The following ZNF536 variants were observed in gnomAD, a reference collection of about 807,000 sequenced individuals.
The protein encoded by ZNF536 is zinc finger protein 536.
A neutral mutation model predicts 84.5 loss-of-function variants in ZNF536; 13 were observed. The observed-to-expected ratio is 0.15, with a 90% CI of 0.10 to 0.24. The LOEUF (loss-of-function observed/expected upper bound fraction) is 0.24, where lower values mean the gene tolerates loss of function less well. ZNF536 is among the 10% of genes least tolerant of loss of function. The pLI is 1.00. For synonymous variants in ZNF536, 811 were observed against 742.5 expected (o/e 1.09, Z -1.50); for missense variants, 1,536 against 1,747.5 (o/e 0.88, Z 2.16).
chr19:30,701,476 G>C (rs1006617676), intron 1 of ZNF536, among the ~76,000 whole-genome samples: 6 of 118,416 alleles, frequency 5.1e-5, no homozygotes, highest in African/African-American at 9.8e-5. Flanking sequence ...AACACACACA[G>C]ACACACACAA....
intron 2 of ZNF536, among the ~76,000 whole-genome samples, chr19:30,342,877 C>T (rs1162063598): frequency 6.6e-6 from 1 of 152,208 alleles, no homozygotes; most frequent in African/African-American, 2.4e-5. Flanking sequence ...TTTTCTTACA[C>T]TGGTTTGTTC....
chr19:30,239,589 T>TAAAGGGGGAG (rs1017684326), intron 1 of ZNF536, among the ~76,000 whole-genome samples: 20 of 152,318 alleles, frequency 1.3e-4, no homozygotes, highest in African/African-American at 4.8e-4. Flanking sequence ...CCTTGGACCC[T>TAAAGGGGGAG]AAAGGGGGAG....
intron 1 of ZNF536, among the ~76,000 whole-genome samples, chr19:30,249,504 C>T (rs2024484728): frequency 6.6e-6 from 1 of 151,830 alleles, no homozygotes; most frequent in Non-Finnish European, 1.5e-5. Context: ...TTTGATTTTC[C>T]AAACAAAATA....
intron 1 of ZNF536, among the ~76,000 whole-genome samples, chr19:30,707,742 G>A (rs1176214789): frequency 6.6e-6 from 1 of 152,178 alleles, no homozygotes; most frequent in African/African-American, 2.4e-5. Flanking sequence ...GGGCATGGTG[G>A]CTCACGTCTG....
intron 1 of ZNF536, among the ~76,000 whole-genome samples, chr19:30,599,472 T>TTCCTTCCTTCCC (rs1171375848): frequency 1.2e-3 from 2 of 1,680 alleles, no homozygotes; most frequent in African/African-American, 3.3e-3. Context: ...CCCTCCCTCC[T>TTCCTTCCTTCCC]TCCTTCCTTC....
chr19:30,439,843 T>A (rs891741817), intron 1 of ZNF536, among the ~76,000 whole-genome samples: 5 of 152,126 alleles, frequency 3.3e-5, no homozygotes, highest in Non-Finnish European at 7.4e-5. Flanking sequence ...AACTGGGCCA[T>A]CAGGGGTGGT....
intron 2 of ZNF536, among the ~76,000 whole-genome samples, chr19:30,504,540 C>T (rs1276772549): frequency 1.5e-5 from 2 of 131,534 alleles, no homozygotes; most frequent in African/African-American, 5.8e-5. Flanking sequence ...CTCTGACCCA[C>T]TCATCCTCCC....
chr19:30,591,090 T>C (rs1488449554), intron 1 of ZNF536, among the ~76,000 whole-genome samples: 2 of 152,206 alleles, frequency 1.3e-5, no homozygotes, highest in Non-Finnish European at 2.9e-5. Context: ...TTCAAAGGGA[T>C]GATGAAGACA....
chr19:30,402,081 C>T (rs1237152952), intron 1 of ZNF536, among the ~76,000 whole-genome samples: 1 of 152,208 alleles, frequency 6.6e-6, no homozygotes, highest in East Asian at 1.9e-4. Context: ...CATGTTGCAG[C>T]CTCAGCTATG....
intron 3 of ZNF536, among the ~76,000 whole-genome samples, chr19:30,357,338 G>T (rs964435664): frequency 3.3e-5 from 5 of 152,216 alleles, no homozygotes; most frequent in African/African-American, 1.2e-4. Flanking sequence ...GCGGGGAAGA[G>T]CGTGGCATGT....
At chr19:30,620,644 C>T (rs1338977658) in intron 1 of ZNF536, among the ~76,000 whole-genome samples, 2 of 152,098 alleles carry the variant, frequency 1.3e-5, no homozygotes, top group African/African-American at 4.8e-5. Context: ...CTGGAGACAT[C>T]GGGGTGAGCT....
At chr19:30,692,171 G>C (rs1208174907) in intron 1 of ZNF536, among the ~76,000 whole-genome samples, 5 of 152,238 alleles carry the variant, frequency 3.3e-5, no homozygotes, top group Non-Finnish European at 7.3e-5. Context: ...GTAAGCATCT[G>C]AAAGTCATTA....
chr19:30,230,010 G>A (rs145212420), intron 1 of ZNF536, among the ~76,000 whole-genome samples: 21 of 152,290 alleles, frequency 1.4e-4, no homozygotes, highest in African/African-American at 4.3e-4. Flanking sequence ...AAACTTAAGT[G>A]CGATTGTGAC....
chr19:30,523,686 A>G (rs1568513892), intron 2 of ZNF536, among the ~76,000 whole-genome samples: 1 of 147,058 alleles, frequency 6.8e-6, no homozygotes. Context: ...TCATACTCTG[A>G]TTTTTTTTTT....
chr19:30,641,305 C>A (rs143395226), intron 1 of ZNF536, among the ~76,000 whole-genome samples: 1 of 152,194 alleles, frequency 6.6e-6, no homozygotes, highest in East Asian at 1.9e-4. Context: ...AGAAAAAACT[C>A]CCAGACATTG....
intron 2 of ZNF536, among the ~76,000 whole-genome samples, chr19:30,485,784 A>G (rs1024927808): frequency 3.3e-5 from 5 of 152,060 alleles, no homozygotes; most frequent in African/African-American, 1.2e-4. Flanking sequence ...AGAAAATCAA[A>G]CTTTTGTTGA....
intron 1 of ZNF536, among the ~76,000 whole-genome samples, chr19:30,649,490 A>G: frequency 6.8e-6 from 1 of 148,062 alleles, no homozygotes; most frequent in East Asian, 2.0e-4. Context: ...AATATTAACC[A>G]TTTTTTCCCC....
intron 1 of ZNF536, among the ~76,000 whole-genome samples, chr19:30,404,273 G>A (rs927631718): frequency 1.3e-5 from 2 of 152,160 alleles, no homozygotes; most frequent in African/African-American, 4.8e-5. Context: ...CCAAGGAAAT[G>A]TGGAGACAGC....
chr19:30,551,357 A>C (rs1175917604), intron 4 of ZNF536, among the ~76,000 whole-genome samples: 1 of 152,190 alleles, frequency 6.6e-6, no homozygotes, highest in Non-Finnish European at 1.5e-5. Context: ...CTTTCGCACC[A>C]GGCGAGGTTG....
Sources: allele counts gnomAD v4.1 joint callset (sites outside exome capture counted in the v4.1 genomes callset), GRCh38; gene constraint gnomAD v4.1.1; transcripts MANE v1.5; gene names NCBI Gene and HGNC (gene_info 2026-07-23, HGNC 2026-07-21).